SSPN: variants seen among roughly 807,000 people sequenced by gnomAD.
SSPN encodes sarcospan.
In SSPN, 15 loss-of-function variants were observed where a neutral mutation model predicts 19.1. That is an observed-to-expected ratio of 0.78 (90% confidence interval 0.52 to 1.21). The LOEUF is 1.21. Ranked by LOEUF, SSPN falls within the 50% of genes most tolerant of loss-of-function variation. SSPN has a pLI of 0.00. For missense variants in SSPN, 291 were observed against 314.0 expected, an observed-to-expected ratio of 0.93 and a Z score of 0.55; for synonymous variants, 147 against 140.3, an observed-to-expected ratio of 1.05 and a Z score of -0.34.
intron 1 of SSPN, among the ~76,000 whole-genome samples, chr12:26,208,996 A>AC (rs1035251875): frequency 3.4e-5 from 5 of 149,002 alleles, no homozygotes; most frequent in African/African-American, 1.2e-4. Context: ...TAAGCAGCCC[A>AC]CCCCCAACCC....
chr12:26,126,063 TC>T (rs1290506124), intron 1 of SSPN: 4 of 152,122 alleles, frequency 2.6e-5, no homozygotes, highest in African/African-American at 7.2e-5. Context: ...AGCAACGTGA[TC>T]CGACCTGCCG....
chr12:26,221,849 T>C (rs1945125388), intron 1 of SSPN, among the ~76,000 whole-genome samples: 1 of 152,238 alleles, frequency 6.6e-6, no homozygotes, highest in Admixed American at 6.5e-5. Context: ...CAAACCTCAA[T>C]CTGGTGTGTC....
At chr12:26,160,061 G>A (rs142722962) in intron 1 of SSPN, among the ~76,000 whole-genome samples, 10 of 152,330 alleles carry the variant, frequency 6.6e-5, no homozygotes, top group Non-Finnish European at 1.3e-4. Flanking sequence ...AGCCACTGAG[G>A]GCAAGACTGG....
At chr12:26,161,160 G>A (rs1944586390) in intron 1 of SSPN, among the ~76,000 whole-genome samples, 1 of 150,308 alleles carries the variant, frequency 6.7e-6, no homozygotes, top group South Asian at 2.1e-4. Flanking sequence ...TCTTCCCTCT[G>A]CTTAAAACCT....
At chr12:26,178,932 C>T (rs1322387754) in intron 1 of SSPN, among the ~76,000 whole-genome samples, 1 of 152,178 alleles carries the variant, frequency 6.6e-6, no homozygotes, top group Admixed American at 6.5e-5. Context: ...TCACCATGGG[C>T]CAGTCTATGC....
At chr12:26,202,185 G>A (rs1053129144) in intron 1 of SSPN, among the ~76,000 whole-genome samples, 2 of 152,134 alleles carry the variant, frequency 1.3e-5, no homozygotes, top group Admixed American at 1.3e-4. Flanking sequence ...GTCTGTACAT[G>A]TTCAGTACAG....
intron 1 of SSPN, among the ~76,000 whole-genome samples, chr12:26,185,316 C>CA (rs764291957): frequency 1.3e-5 from 2 of 151,898 alleles, no homozygotes; most frequent in African/African-American, 2.4e-5. Context: ...TGCTTATGGA[C>CA]AAAAAAACAT....
At chr12:26,155,458 TACCC>T (rs2137419343) in intron 1 of SSPN, among the ~76,000 whole-genome samples, 1 of 152,282 alleles carries the variant, frequency 6.6e-6, no homozygotes, top group South Asian at 2.1e-4. Context: ...ACCCTCACGT[TACCC>T]TTAAATGGTA....
At chr12:26,126,238 C>T (rs760780521) in intron 1 of SSPN, among the ~76,000 whole-genome samples, 3 of 152,096 alleles carry the variant, frequency 2.0e-5, no homozygotes, top group East Asian at 1.9e-4. Flanking sequence ...GGGAGGTGCC[C>T]GGGGATGCGC....
intron 1 of SSPN, chr12:26,123,869 G>A: frequency 1.3e-6 from 1 of 795,000 alleles, no homozygotes; most frequent in South Asian, 1.4e-5. Context: ...TTTACTTCTT[G>A]AGCTTTCCAC....
chr12:26,136,925 A>C (rs1944428935), intron 1 of SSPN, among the ~76,000 whole-genome samples: 2 of 152,226 alleles, frequency 1.3e-5, no homozygotes, highest in South Asian at 4.1e-4. Flanking sequence ...GCTTTGTCGT[A>C]AGTTAAAGCC....
chr12:26,219,298 C>T (rs1024956910), intron 1 of SSPN, among the ~76,000 whole-genome samples: 5 of 152,004 alleles, frequency 3.3e-5, no homozygotes, highest in African/African-American at 1.2e-4. Flanking sequence ...TAGGATGATA[C>T]CTTCCAGCTA....
rs964658031 is a variant in SSPN, at chr12:26,234,668, A to C, written c.*3592A>C. ...GATTCATTTTTCTGGCATTGATCAA[A>C]TAGCAAATACAAAATAAAGCATTTC... On this transcript the variant is annotated 3_prime_UTR_variant, in exon 3 of 3. Coordinates refer to ENST00000242729, the MANE Select transcript of SSPN (RefSeq NM_005086.5). 18 of 152,350 alleles carry C rather than the reference A, an allele frequency of 1.2e-4. No individual in the cohort carries two copies. Among genetic ancestry groups the C allele is most frequent in the African/African-American group, 4.3e-4 (18 of 41,578 alleles). 9.4% of individuals were successfully genotyped at this position (152,350 alleles called of 1,614,324 possible).
intron 1 of SSPN, chr12:26,123,944 C>T (rs1393552078): frequency 3.8e-6 from 3 of 795,864 alleles, no homozygotes; most frequent in South Asian, 1.5e-5. Flanking sequence ...GCGGGAAACT[C>T]TGTACGGTAT....
intron 1 of SSPN, among the ~76,000 whole-genome samples, chr12:26,126,874 T>C (rs1432727418): frequency 1.3e-5 from 2 of 152,224 alleles, no homozygotes; most frequent in Non-Finnish European, 2.9e-5. Context: ...CGATGGTTCT[T>C]AATTTAAAAA....
In SSPN at chr12:26,233,228, C is replaced by G. The variant is rs775802437; in HGVS notation, c.*2152C>G. 1.3e-5 allele frequency: 2 copies of G among 151,898 alleles called. No individual in the cohort carries two copies. Among genetic ancestry groups the G allele is most frequent in the Non-Finnish European group, 1.5e-5 (1 of 67,976 alleles). The allele number at this position is 151,898 out of a possible 1,614,324, so 9.4% of individuals were successfully genotyped here. On this transcript the variant is annotated 3_prime_UTR_variant, in exon 3 of 3. Coordinates refer to ENST00000242729, the MANE Select transcript of SSPN (RefSeq NM_005086.5). This position sits in a 1 kb window ranked among gnomAD's most constrained non-coding sequence, Gnocchi z 4.3. The stretch of plus-strand genomic sequence containing the variant: ...TTTACCAGTAATTCACAGGGTATTT[C>G]AAATGGTAGAATCATTTTAGCTTCT...
intron 1 of SSPN, among the ~76,000 whole-genome samples, chr12:26,157,707 C>G (rs1400338495): frequency 6.6e-6 from 1 of 152,076 alleles, no homozygotes; most frequent in South Asian, 2.1e-4. Flanking sequence ...TATTCTATAC[C>G]CCTGCTTCAT....
intron 1 of SSPN, among the ~76,000 whole-genome samples, chr12:26,142,992 A>G (rs74072014): frequency 0.063 from 9,582 of 152,178 alleles, 433 homozygotes; most frequent in South Asian, 0.14. Flanking sequence ...GTATATACCT[A>G]TTTTTTACAC....
At chr12:26,122,685 G>A in intron 1 of SSPN, 3 of 1,553,354 alleles carry the variant, frequency 1.9e-6, no homozygotes, top group Non-Finnish European at 2.6e-6. Context: ...CATCCTCTTG[G>A]GCGCCGGCGA....
Sources: gnomAD v4.1 joint callset for allele counts (sites outside exome capture counted in the v4.1 genomes callset) on GRCh38, gnomAD v4.1.1 for gene constraint, Gnocchi (gnomAD v3.1) non-coding constraint, MANE v1.5 for transcripts, NCBI Gene and HGNC (gene_info 2026-07-23, HGNC 2026-07-21) for gene names.